The following PRKD1 variants were observed in gnomAD, a reference collection of about 807,000 sequenced individuals.
The protein encoded by PRKD1 is serine/threonine-protein kinase D1.
In PRKD1, 63 loss-of-function variants were observed where a neutral mutation model predicts 95.9. The ratio of observed to expected loss-of-function variants is 0.66; its 90% confidence interval spans 0.54 to 0.81. The LOEUF (loss-of-function observed/expected upper bound fraction) is 0.81. Among genes scored for constraint, PRKD1 ranks in the 30% least tolerant of loss-of-function variants. PRKD1 has a pLI of 0.00. For missense variants in PRKD1, 1,048 were observed against 1,165.3 expected, an observed-to-expected ratio of 0.90 and a Z score of 1.47; for synonymous variants, 425 against 423.1, an observed-to-expected ratio of 1.00 and a Z score of -0.05.
chr14:29,640,436 A>G (rs1880683535), intron 4 of PRKD1, among the ~76,000 whole-genome samples: 1 of 152,214 alleles, frequency 6.6e-6, no homozygotes, highest in African/African-American at 2.4e-5. Flanking sequence ...GAAACTTAAA[A>G]TGAAGTTCTA....
intron 1 of PRKD1, among the ~76,000 whole-genome samples, chr14:29,808,457 T>C (rs552264400): frequency 4.4e-5 from 6 of 136,538 alleles, no homozygotes; most frequent in Admixed American, 2.4e-4. Context: ...TGGAGTACAA[T>C]AGTGTTGTCT....
At chr14:29,632,972 C>CTTTTTAAAGT in intron 8 of PRKD1, 26 bp from the exon 9 acceptor site, 1 of 1,588,344 alleles carries the variant, frequency 6.3e-7, no homozygotes. Context: ...GATCCAAGAT[C>CTTTTTAAAGT]TTTTTAAAAA....
chr14:29,693,922 G>T (rs536270071), intron 2 of PRKD1, among the ~76,000 whole-genome samples: 11 of 152,202 alleles, frequency 7.2e-5, no homozygotes, highest in African/African-American at 2.2e-4. Context: ...GCCAAAATCC[G>T]CCTCCTACTG....
chr14:29,625,810 C>T (rs1879580386), intron 12 of PRKD1, among the ~76,000 whole-genome samples: 1 of 152,006 alleles, frequency 6.6e-6, no homozygotes, highest in Non-Finnish European at 1.5e-5. Flanking sequence ...GAACACTAAA[C>T]CTCACCATAA....
chr14:29,724,912 CTT>C (rs898492218), intron 2 of PRKD1, among the ~76,000 whole-genome samples: 12 of 152,092 alleles, frequency 7.9e-5, no homozygotes, highest in African/African-American at 2.9e-4. Flanking sequence ...TAAATACATT[CTT>C]TTTTTTCTGT....
chr14:29,589,385 C>T (rs2138981322), intron 16 of PRKD1, among the ~76,000 whole-genome samples: 1 of 152,262 alleles, frequency 6.6e-6, no homozygotes, highest in Non-Finnish European at 1.5e-5. Flanking sequence ...TGGAAAACAA[C>T]AGCTATATAA....
At chr14:29,641,084 A>C (rs1347549303) in intron 4 of PRKD1, among the ~76,000 whole-genome samples, 1 of 152,242 alleles carries the variant, frequency 6.6e-6, no homozygotes, top group South Asian at 2.1e-4. Flanking sequence ...AAATTTAAAA[A>C]TATTCCAAGT....
intron 1 of PRKD1, among the ~76,000 whole-genome samples, chr14:29,880,551 C>T (rs118052786): frequency 6.6e-6 from 1 of 152,288 alleles, no homozygotes; most frequent in East Asian, 1.9e-4. Context: ...TTGAAGCCCC[C>T]ACACAGAGTC....
chr14:29,693,940 C>T (rs1389605816), intron 2 of PRKD1, among the ~76,000 whole-genome samples: 2 of 152,144 alleles, frequency 1.3e-5, no homozygotes, highest in Admixed American at 6.5e-5. Context: ...CTGGTCTTAC[C>T]TGTTCTTGTT....
chr14:29,879,023 A>G (rs994715390), intron 1 of PRKD1, among the ~76,000 whole-genome samples: 19 of 152,218 alleles, frequency 1.2e-4, no homozygotes, highest in African/African-American at 4.6e-4. Context: ...CTTATAGTAA[A>G]AGTTATTGAA....
In PRKD1 at chr14:29,927,498, C is replaced by T. The variant is rs191667643; in HGVS notation, c.15G>A (p.Pro5=). 4.6e-3 allele frequency: 5,540 copies of T among 1,201,984 alleles called. 149 individuals are homozygous for T. In the African/African-American group the frequency reaches 0.067, roughly 15 times the overall value. The allele number at this position is 1,201,984 out of a possible 1,614,324, so 74.5% of individuals were successfully genotyped here. The change falls in exon 1 of 18, where the codon CCG becomes CCA. Residue 5 remains proline (P), a synonymous_variant. Coordinates refer to ENST00000331968, the MANE Select transcript of PRKD1 (RefSeq NM_002742.3). ...GCAGCGGACTGGGCGGCCGCAGGAC[C>T]GGAGGGGCGCTCATCGCTCGGCGGG... MSAP[P]VLRPPSPLLP...
intron 2 of PRKD1, among the ~76,000 whole-genome samples, chr14:29,681,058 G>T (rs887809111): frequency 6.6e-6 from 1 of 152,154 alleles, no homozygotes; most frequent in African/African-American, 2.4e-5. Flanking sequence ...CCAGCTTACT[G>T]CAAATGAGAA....
intron 12 of PRKD1, among the ~76,000 whole-genome samples, chr14:29,624,899 A>C (rs1188365960): frequency 6.6e-6 from 1 of 152,184 alleles, no homozygotes; most frequent in Non-Finnish European, 1.5e-5. Context: ...ACTTTTCAGG[A>C]ATTCTACGGA....
chr14:29,665,467 T>A (rs928025658), intron 3 of PRKD1, among the ~76,000 whole-genome samples: 6 of 151,962 alleles, frequency 3.9e-5, no homozygotes, highest in African/African-American at 7.3e-5. Flanking sequence ...CACTTATAAA[T>A]GAGAACATGT....
At chr14:29,894,445 G>A (rs1894048599) in intron 1 of PRKD1, among the ~76,000 whole-genome samples, 1 of 152,224 alleles carries the variant, frequency 6.6e-6, no homozygotes, top group Admixed American at 6.5e-5. Flanking sequence ...TCCTCTTGGA[G>A]TACAGAGTAA....
At chr14:29,690,991 C>T (rs897451587) in intron 2 of PRKD1, among the ~76,000 whole-genome samples, 1 of 152,156 alleles carries the variant, frequency 6.6e-6, no homozygotes, top group African/African-American at 2.4e-5. Context: ...TTAGTTTTGA[C>T]TTGAACAACT....
At chr14:29,782,617 A>C (rs1594514318) in intron 1 of PRKD1, among the ~76,000 whole-genome samples, 1 of 151,876 alleles carries the variant, frequency 6.6e-6, no homozygotes, top group Non-Finnish European at 1.5e-5. Context: ...TGCAGCCTCC[A>C]CCTCCCAGGC....
intron 4 of PRKD1, among the ~76,000 whole-genome samples, chr14:29,654,782 G>A (rs1291030705): frequency 6.6e-6 from 1 of 152,186 alleles, no homozygotes; most frequent in East Asian, 1.9e-4. Flanking sequence ...TGAACATGGA[G>A]CAATGGCCAG....
rs141992337 is a variant in PRKD1 at position 29,718,525 on chromosome 14, A to G, written c.403+7011T>C. On this transcript the variant is annotated intron_variant, in intron 2 of 17. Transcript: ENST00000331968. Reference sequence around the variant, plus strand: ...TACACAGGTTTACTTGAAAGATAAGAATGGAAAGAGAATATTAACAATCAC... The same window carrying G: ...TACACAGGTTTACTTGAAAGATAAGGATGGAAAGAGAATATTAACAATCAC... Among the ~76,000 whole-genome samples, 1,313 of 152,288 alleles carry G rather than the reference A, an allele frequency of 8.6e-3. 15 individuals carry two copies. The highest frequency in any genetic ancestry group is 0.03 in the African/African-American group (1,262 of 41,554).
Sources: allele counts gnomAD v4.1 joint callset (sites outside exome capture counted in the v4.1 genomes callset), GRCh38; gene constraint gnomAD v4.1.1; transcripts MANE v1.5; gene names NCBI Gene and HGNC (gene_info 2026-07-23, HGNC 2026-07-21).